The following ADAMTSL3 variants were observed in gnomAD, a reference collection of about 807,000 sequenced individuals.
ADAMTSL3 encodes ADAMTS-like protein 3.
Under a neutral mutation model 201.7 loss-of-function variants are expected in ADAMTSL3, and 128 were observed. The ratio of observed to expected loss-of-function variants is 0.63; its 90% CI spans 0.55 to 0.73. The LOEUF is 0.73. Among genes scored for constraint, ADAMTSL3 ranks in the 30% least tolerant of loss-of-function variants. The pLI is 0.00. For synonymous variants in ADAMTSL3, 738 were observed against 748.4 expected, an observed-to-expected ratio of 0.99 and a Z score of 0.23; for missense variants, 1,990 against 2,119.6, an observed-to-expected ratio of 0.94 and a Z score of 1.20.
At chr15:83,659,901 C>T (rs1418978925) in intron 2 of ADAMTSL3, among the ~76,000 whole-genome samples, 1 of 152,204 alleles carries the variant, frequency 6.6e-6, no homozygotes, top group Admixed American at 6.5e-5. Flanking sequence ...CTGCTCAAGT[C>T]TTCAGATGTA....
intron 6 of ADAMTSL3, among the ~76,000 whole-genome samples, chr15:83,820,978 G>A (rs2063853969): frequency 6.6e-6 from 1 of 152,118 alleles, no homozygotes; most frequent in Non-Finnish European, 1.5e-5. Context: ...GGAGGCTGAG[G>A]CGGGAGAATC....
chr15:83,877,681 A>G lies in ADAMTSL3; in HGVS notation c.960+6722A>G, dbSNP rs552372554. ...TGGATCTGTATGTCAATTTAAGGAA[A>G]ATTGACATTTTCCAATACTAAGTCT... On this transcript the variant is annotated intron_variant, in intron 9 of 29. Coordinates refer to ENST00000286744, the MANE Select transcript of ADAMTSL3 (RefSeq NM_207517.3). Among the ~76,000 whole-genome samples, 18 of 152,334 alleles carry G rather than the reference A, an allele frequency of 1.2e-4. No homozygotes were observed. The South Asian group carries it at 3.7e-3, about 32-fold the overall frequency.
chr15:83,923,854 C>T, intron 16 of ADAMTSL3, 50 bp from the exon 17 acceptor site: 1 of 1,604,048 alleles, frequency 6.2e-7, no homozygotes. Context: ...CTTTTTTCCA[C>T]AATAAATTAT....
intron 23 of ADAMTSL3, among the ~76,000 whole-genome samples, chr15:84,013,867 A>T (rs1333840995): frequency 6.6e-6 from 1 of 152,224 alleles, no homozygotes; most frequent in African/African-American, 2.4e-5. Context: ...AGCCTTCTGA[A>T]GACTTGGGGA....
intron 9 of ADAMTSL3, among the ~76,000 whole-genome samples, chr15:83,876,313 T>G (rs2141842221): frequency 6.6e-6 from 1 of 152,240 alleles, no homozygotes; most frequent in South Asian, 2.1e-4. Context: ...TTTTGTTCGT[T>G]AACTCAGAGT....
intron 4 of ADAMTSL3, among the ~76,000 whole-genome samples, chr15:83,779,054 G>A (rs55821533): frequency 0.01 from 1,567 of 152,214 alleles, 24 homozygotes; most frequent in African/African-American, 0.035. Context: ...CAATTCACAA[G>A]AAGACCGAAC....
chr15:83,824,347 A>C (rs572354598), intron 6 of ADAMTSL3, among the ~76,000 whole-genome samples: 2 of 152,060 alleles, frequency 1.3e-5, no homozygotes, highest in Non-Finnish European at 2.9e-5. Context: ...TTTTAGATTC[A>C]CAACAAAATT....
At chr15:84,014,945 TG>T (rs2068065085) in intron 24 of ADAMTSL3, among the ~76,000 whole-genome samples, 1 of 96,620 alleles carries the variant, frequency 1.0e-5, no homozygotes, top group African/African-American at 4.8e-5. Flanking sequence ...TGTGTGTGTG[TG>T]TGTGTGATTT....
intron 4 of ADAMTSL3, among the ~76,000 whole-genome samples, chr15:83,801,655 T>TAAATAAATAAATAA (rs1352203811): frequency 8.1e-5 from 3 of 37,108 alleles, no homozygotes; most frequent in African/African-American, 2.4e-4. Context: ...AATATAAATA[T>TAAATAAATAAATAA]ATATATATAT....
intron 7 of ADAMTSL3, among the ~76,000 whole-genome samples, chr15:83,849,154 A>G (rs2064558975): frequency 6.6e-6 from 1 of 152,116 alleles, no homozygotes; most frequent in South Asian, 2.1e-4. Context: ...TCTTTTTTAA[A>G]TTAGACACGG....
chr15:83,955,763 G>A (rs2066849558), intron 19 of ADAMTSL3, among the ~76,000 whole-genome samples: 1 of 152,096 alleles, frequency 6.6e-6, no homozygotes, highest in Non-Finnish European at 1.5e-5. Context: ...TGCACTGTCT[G>A]TGGCTGAGCT....
At chr15:83,966,266 G>A (rs764813753) in intron 19 of ADAMTSL3, among the ~76,000 whole-genome samples, 17 of 151,896 alleles carry the variant, frequency 1.1e-4, no homozygotes, top group East Asian at 3.9e-4. Flanking sequence ...GAAAAGATTC[G>A]CAAAATACAT....
chr15:83,948,325 C>T (rs8028946), intron 19 of ADAMTSL3, among the ~76,000 whole-genome samples: 47,920 of 151,650 alleles, frequency 0.32, 7,993 homozygotes, highest in Admixed American at 0.46. Flanking sequence ...ATTTACACCA[C>T]AGAAACTGGC....
intron 7 of ADAMTSL3, among the ~76,000 whole-genome samples, chr15:83,847,658 G>A (rs1263197479): frequency 6.6e-6 from 1 of 151,994 alleles, no homozygotes; most frequent in Non-Finnish European, 1.5e-5. Flanking sequence ...ACCATGCCCG[G>A]CTAATTTTGT....
At chr15:83,957,260 G>C (rs893605195) in intron 19 of ADAMTSL3, among the ~76,000 whole-genome samples, 1 of 152,186 alleles carries the variant, frequency 6.6e-6, no homozygotes, top group Non-Finnish European at 1.5e-5. Flanking sequence ...GATGCACTGA[G>C]TAAGTGCTGG....
intron 7 of ADAMTSL3, among the ~76,000 whole-genome samples, chr15:83,840,355 A>G (rs1445281226): frequency 6.6e-6 from 1 of 152,192 alleles, no homozygotes; most frequent in Non-Finnish European, 1.5e-5. Context: ...TTGTGATGTG[A>G]ACAAGAGTGA....
chr15:83,760,758 CT>C (rs1487509407), intron 3 of ADAMTSL3, among the ~76,000 whole-genome samples: 2 of 152,074 alleles, frequency 1.3e-5, no homozygotes, highest in Non-Finnish European at 2.9e-5. Context: ...TTAAAGTCTA[CT>C]TTGTCTAATT....
intron 14 of ADAMTSL3, among the ~76,000 whole-genome samples, chr15:83,898,988 A>G (rs2065671426): frequency 6.6e-6 from 1 of 152,128 alleles, no homozygotes; most frequent in South Asian, 2.1e-4. Flanking sequence ...TGCATTTATG[A>G]TACTTTCATA....
chr15:83,954,172 C>A (rs2066809411), intron 19 of ADAMTSL3, among the ~76,000 whole-genome samples: 1 of 152,150 alleles, frequency 6.6e-6, no homozygotes, highest in African/African-American at 2.4e-5. Context: ...CTTAGATTTG[C>A]CCCTTCAGGG....
Sources: allele counts gnomAD v4.1 joint callset (sites outside exome capture counted in the v4.1 genomes callset), GRCh38; gene constraint gnomAD v4.1.1; transcripts MANE v1.5; gene names NCBI Gene and HGNC (gene_info 2026-07-23, HGNC 2026-07-21).